Variants in C22orf31 observed in about 807,000 individuals in gnomAD.
C22orf31 encodes the protein chromosome 22 open reading frame 31.
A neutral mutation model predicts 15.0 loss-of-function variants in C22orf31; 11 were observed. That is an observed-to-expected ratio of 0.73 (90% CI 0.46 to 1.21). The LOEUF (loss-of-function observed/expected upper bound fraction) is 1.21, where lower values mean the gene tolerates loss of function less well. Ranked by LOEUF, C22orf31 falls within the 50% of genes most tolerant of loss-of-function variation. The probability of loss-of-function intolerance (pLI) is 0.00; values close to 1 mark genes in which losing one functional copy is unlikely to be tolerated. For synonymous variants in C22orf31, 132 were observed against 133.3 expected (o/e 0.99, Z 0.07); for missense variants, 340 against 347.2 (o/e 0.98, Z 0.17).
chr22:29,067,844 C>T, the C22orf31 span, among the ~76,000 whole-genome samples: 1 of 152,064 alleles, frequency 6.6e-6, no homozygotes, highest in South Asian at 2.1e-4. Context: ...ATACTGGGTT[C>T]AAGAGATCCT....
upstream of C22orf31, among the ~76,000 whole-genome samples, chr22:29,065,732 G>A (rs967202584): frequency 2.0e-5 from 3 of 152,236 alleles, no homozygotes; most frequent in Admixed American, 6.5e-5. Flanking sequence ...AAGTCAGGAT[G>A]GAATGACTAC....
chr22:29,063,743 C>T (rs550726505), upstream of C22orf31, among the ~76,000 whole-genome samples: 126 of 152,314 alleles, frequency 8.3e-4, no homozygotes, highest in African/African-American at 3.0e-3. Flanking sequence ...TGCTACCAAC[C>T]ATCCTATGAG....
rs1398644013 is a variant in C22orf31 at position 29,060,443 on chromosome 22, T to C, written c.404A>G (p.His135Arg). Residue 135 changes from histidine (H) to arginine (R), a missense_variant, in exon 2 of 3, where the codon CAT becomes CGT. Coordinates refer to ENST00000216071, the MANE Select transcript of C22orf31 (RefSeq NM_015370.2). ...TCTGATGCCTCCTGCAGGCCTCCTA[T>C]GCCCTGCTGGCTGCTTGCTCTTGGA... ...ISSKSKQPAG[H>R]RRPAGGIRES... 2 of 1,613,534 alleles carry C rather than the reference T, an allele frequency of 1.2e-6. No individual in the cohort carries two copies. The highest frequency in any genetic ancestry group is 8.5e-7 in the Non-Finnish European group (1 of 1,179,930).
chr22:29,061,689 C>G, intron 1 of C22orf31, 101 bp downstream of exon 1: 1 of 866,028 alleles, frequency 1.2e-6, no homozygotes, highest in South Asian at 1.8e-5. Context: ...TTTCCTGGGA[C>G]CAACTAAGAG....
intron 2 of C22orf31, chr22:29,060,025 T>C (rs919752394): frequency 8.6e-4 from 729 of 850,630 alleles, no homozygotes; most frequent in Non-Finnish European, 9.0e-4. Flanking sequence ...TCTTTTCTTT[T>C]TTTTTTTTTT....
rs1011714710 is a variant in C22orf31 at position 29,060,608 on chromosome 22, A to G, written c.239T>C (p.Val80Ala). 6.2e-7 allele frequency: 1 copy of G among 1,614,164 alleles called. No individual in the cohort carries two copies. The highest frequency in any genetic ancestry group is 1.3e-5 in the African/African-American group (1 of 75,030). Residue 80 changes from valine (V) to alanine (A), a missense_variant, in exon 2 of 3, where the codon GTA becomes GCA. Val to Ala is a moderately conservative substitution (Grantham distance 64, BLOSUM62 0). Transcript: ENST00000216071. ...IASSFSLVKL[V>A]LRRQLKNKCC... The stretch of plus-strand genomic sequence containing the variant: ...CTTATTCTTCAGTTGCCGCCTGAGT[A>G]CAAGCTTAACCAGGGAGAAGGAACT...
At chr22:29,065,355 CT>C (rs2037422283), upstream of C22orf31, among the ~76,000 whole-genome samples, 1 of 152,058 alleles carries the variant, frequency 6.6e-6, no homozygotes, top group Non-Finnish European at 1.5e-5. Flanking sequence ...AGAAGGATCA[CT>C]TGAATCCAGG....
chr22:29,059,526 T>C (rs1253702188), intron 2 of C22orf31, among the ~76,000 whole-genome samples: 1 of 152,214 alleles, frequency 6.6e-6, no homozygotes, highest in African/African-American at 2.4e-5. Flanking sequence ...CATGTATTAT[T>C]TAACATTCAT....
At chr22:29,062,783 C>T (rs1021351029), upstream of C22orf31, among the ~76,000 whole-genome samples, 1 of 152,088 alleles carries the variant, frequency 6.6e-6, no homozygotes, top group African/African-American at 2.4e-5. Flanking sequence ...GGCAGCTGGA[C>T]CCACAGACAG....
the C22orf31 span, among the ~76,000 whole-genome samples, chr22:29,067,433 T>C: frequency 6.6e-6 from 1 of 151,958 alleles, no homozygotes; most frequent in East Asian, 1.9e-4. Flanking sequence ...ATTAATTTTC[T>C]TTTTTCTTCT....
intron 2 of C22orf31, among the ~76,000 whole-genome samples, chr22:29,059,473 C>T (rs2037358558): frequency 6.6e-6 from 1 of 152,198 alleles, no homozygotes; most frequent in African/African-American, 2.4e-5. Flanking sequence ...ACGCAAGATC[C>T]TAATTATTTA....
chr22:29,066,399 A>C (rs570431795), upstream of C22orf31, among the ~76,000 whole-genome samples: 1 of 152,326 alleles, frequency 6.6e-6, no homozygotes, highest in East Asian at 1.9e-4. Flanking sequence ...GATTTGGACC[A>C]CATGTGCTGA....
upstream of C22orf31, chr22:29,061,962 T>TG (rs2037396488): frequency 1.8e-6 from 1 of 571,154 alleles, no homozygotes; most frequent in African/African-American, 1.9e-5. Flanking sequence ...TTTGTTTAGA[T>TG]GTGGGCTCAA....
In C22orf31 at chr22:29,060,578, C is replaced by T; in HGVS notation, c.269G>A (p.Cys90Tyr). 1 of 1,614,166 alleles carries T rather than the reference C, an allele frequency of 6.2e-7. No homozygotes were observed. Among genetic ancestry groups the T allele is most frequent in the Non-Finnish European group, 8.5e-7 (1 of 1,180,024 alleles). The change falls in exon 2 of 3, where the codon TGC becomes TAC. Residue 90 changes from cysteine to tyrosine, a missense_variant. Physicochemically the swap from Cys to Tyr is radical, Grantham distance 194. Coordinates refer to ENST00000216071, the MANE Select transcript of C22orf31 (RefSeq NM_015370.2). ...VLRRQLKNKC[C>Y]PPPCKFGEGK... is the part of the protein sequence containing the mutation. ...TTCTCCAAACTTGCATGGTGGTGGG[C>T]AGCACTTATTCTTCAGTTGCCGCCT...
intron 2 of C22orf31, chr22:29,059,849 G>A (rs980484603): frequency 3.0e-6 from 3 of 985,040 alleles, no homozygotes; most frequent in African/African-American, 3.5e-5. Context: ...TGTCAAGTCT[G>A]TGCTTATGAA....
At chr22:29,060,356 G>A in intron 2 of C22orf31, 59 bp downstream of exon 2, 1 of 1,461,736 alleles carries the variant, frequency 6.8e-7, no homozygotes, top group East Asian at 2.3e-5. Context: ...GTGTTCTCTG[G>A]CTTTACCTTT....
upstream of C22orf31, among the ~76,000 whole-genome samples, chr22:29,065,218 A>C (rs1427370329): frequency 6.6e-6 from 1 of 152,098 alleles, no homozygotes; most frequent in Non-Finnish European, 1.5e-5. Flanking sequence ...CCTGTTGCTC[A>C]TGGTCTAAGT....
chr22:29,069,949 T>A, the C22orf31 span, among the ~76,000 whole-genome samples: 2 of 147,738 alleles, frequency 1.4e-5, no homozygotes, highest in Admixed American at 1.3e-4. Flanking sequence ...AATTCTTTTT[T>A]TTTTTTTTTT....
chr22:29,060,365 T>A, intron 2 of C22orf31, 50 bp downstream of exon 2: 2 of 1,512,946 alleles, frequency 1.3e-6, no homozygotes, highest in Non-Finnish European at 1.8e-6. Context: ...GGCTTTACCT[T>A]TTCCCTCCCC....
Sources: allele counts gnomAD v4.1 joint callset (sites outside exome capture counted in the v4.1 genomes callset), GRCh38; gene constraint gnomAD v4.1.1; transcripts MANE v1.5; gene names NCBI Gene and HGNC (gene_info 2026-07-23, HGNC 2026-07-21).